ELK3: variants seen among roughly 807,000 people sequenced by gnomAD.
The protein encoded by ELK3 is ETS transcription factor ELK3, also known as ETS domain-containing protein Elk-3.
A neutral mutation model predicts 28.9 loss-of-function variants in ELK3; 10 were observed. That is an observed-to-expected ratio of 0.35 (90% CI 0.21 to 0.59). ELK3 has a LOEUF of 0.59. Among genes scored for constraint, ELK3 ranks in the 20% least tolerant of loss-of-function variants. ELK3 has a pLI of 0.82. For synonymous variants in ELK3, 272 were observed against 243.5 expected (o/e 1.12, Z -1.09); for missense variants, 463 against 517.3 (o/e 0.90, Z 1.02).
chr12:96,233,273 A>G (rs1048241408), intron 2 of ELK3, among the ~76,000 whole-genome samples: 3 of 152,176 alleles, frequency 2.0e-5, no homozygotes, highest in Non-Finnish European at 2.9e-5. Context: ...GGAGACCTGG[A>G]AGCTTTCACA....
intron 4 of ELK3, among the ~76,000 whole-genome samples, chr12:96,261,440 A>G (rs1951991836): frequency 6.6e-6 from 1 of 152,226 alleles, no homozygotes; most frequent in African/African-American, 2.4e-5. Flanking sequence ...TAGGAATACT[A>G]ATCTTTTGGT....
intron 4 of ELK3, among the ~76,000 whole-genome samples, 172 bp downstream of exon 4, chr12:96,260,025 T>C (rs1191273595): frequency 6.6e-6 from 1 of 152,234 alleles, no homozygotes; most frequent in African/African-American, 2.4e-5. Context: ...ACATTTTCAT[T>C]GAGGCAGAAA....
intron 4 of ELK3, 65 bp from the exon 5 acceptor site, chr12:96,267,017 A>G (rs1242586509): frequency 1.4e-6 from 2 of 1,392,064 alleles, no homozygotes; most frequent in East Asian, 2.4e-5. Flanking sequence ...ATGGGAATGT[A>G]AAGAACCTAA....
At chr12:96,199,342 GATTTTTAGCTC>G (rs1480968610) in intron 1 of ELK3, among the ~76,000 whole-genome samples, 1 of 152,106 alleles carries the variant, frequency 6.6e-6, no homozygotes, top group Non-Finnish European at 1.5e-5. Flanking sequence ...GTTTTAAATT[GATTTTTAGCTC>G]AAGATTGCTG....
chr12:96,206,577 C>G (rs1951539736), intron 1 of ELK3, among the ~76,000 whole-genome samples: 1 of 152,078 alleles, frequency 6.6e-6, no homozygotes, highest in Non-Finnish European at 1.5e-5. Context: ...GCAGGGATGA[C>G]AGGTGTGAGC....
At chr12:96,196,375 C>T (rs1460524584) in intron 1 of ELK3, among the ~76,000 whole-genome samples, 3 of 151,502 alleles carry the variant, frequency 2.0e-5, no homozygotes, top group Admixed American at 6.6e-5. Flanking sequence ...GGGAGATAAG[C>T]AGCTCACACA....
intron 1 of ELK3, chr12:96,198,119 G>T (rs1951484420): frequency 6.6e-6 from 1 of 152,156 alleles, no homozygotes. Flanking sequence ...TGACTTCCTG[G>T]AGTAGAGTCT....
chr12:96,214,739 T>G (rs968192011), intron 1 of ELK3, among the ~76,000 whole-genome samples: 2 of 152,230 alleles, frequency 1.3e-5, no homozygotes, highest in African/African-American at 4.8e-5. Context: ...ATAAGTTTTT[T>G]TTTCAAATAT....
rs10161271 is a variant in ELK3, at chr12:96,202,357, T to G, written c.-3+7652T>G. On this transcript the variant is annotated intron_variant, in intron 1 of 4. Coordinates refer to ENST00000228741, the MANE Select transcript of ELK3 (RefSeq NM_005230.4). ...GGGTCTTTGTCAATACTGACAGAATTTTCCCCCCGACCCCTCTATTTTTCA... is the reference window on the plus strand; with the variant it reads ...GGGTCTTTGTCAATACTGACAGAATGTTCCCCCCGACCCCTCTATTTTTCA... Among the ~76,000 whole-genome samples, 896 of 152,184 alleles carry G rather than the reference T, an allele frequency of 5.9e-3. 13 individuals are homozygous for G. Among genetic ancestry groups the G allele is most frequent in the African/African-American group, 0.021 (855 of 41,526 alleles).
chr12:96,216,066 CCT>C (rs1951615349), intron 1 of ELK3, among the ~76,000 whole-genome samples: 3 of 152,234 alleles, frequency 2.0e-5, no homozygotes, highest in African/African-American at 7.2e-5. Context: ...TTACTCTCGG[CCT>C]CTCTACTCTG....
chr12:96,254,085 G>A (rs1951928084), intron 3 of ELK3, among the ~76,000 whole-genome samples: 1 of 152,226 alleles, frequency 6.6e-6, no homozygotes, highest in South Asian at 2.1e-4. Context: ...CAATATTTAG[G>A]GAGGCCAAGG....
intron 1 of ELK3, among the ~76,000 whole-genome samples, chr12:96,211,142 C>T (rs1951575609): frequency 6.6e-6 from 1 of 152,168 alleles, no homozygotes; most frequent in Admixed American, 6.5e-5. Flanking sequence ...AAGCACTCAG[C>T]ACAATTCCTG....
chr12:96,258,748 G>C (rs1022423640), intron 3 of ELK3, among the ~76,000 whole-genome samples: 1 of 152,180 alleles, frequency 6.6e-6, no homozygotes, highest in African/African-American at 2.4e-5. Flanking sequence ...GACTCCTGCT[G>C]TGTGTGTGCA....
At position 96,252,791 on chromosome 12, in the gene ELK3, A is replaced by G. The variant is rs540462599; in HGVS notation, c.1002+5057A>G. ...TACTCCTGTTGAAGACGCTGTGAAT[A>G]TTGTTGAAATGACAACAAAGGACTG... is the stretch of plus-strand genomic sequence containing the variant. On this transcript the variant is annotated intron_variant, in intron 3 of 4. Transcript: ENST00000228741. 7.2e-5 allele frequency among the ~76,000 whole-genome samples: 11 copies of G among 152,330 alleles called. No individual in the cohort carries two copies. The South Asian group carries it at 1.0e-3, about 14-fold the overall frequency.
chr12:96,257,513 G>C (rs1328904286), intron 3 of ELK3, among the ~76,000 whole-genome samples: 2 of 152,210 alleles, frequency 1.3e-5, no homozygotes, highest in Non-Finnish European at 1.5e-5. Flanking sequence ...CTTGTACATT[G>C]CTTAGAGGAT....
chr12:96,224,788 G>A lies in ELK3; in HGVS notation c.207+1015G>A, dbSNP rs1024821130. Reference sequence around the variant, plus strand: ...ATAAAGGCATAGAGCCATGATAATGGTAAGCTTTTGTTCTGGTTTTATTGT... The same window carrying A: ...ATAAAGGCATAGAGCCATGATAATGATAAGCTTTTGTTCTGGTTTTATTGT... On this transcript the variant is annotated intron_variant, in intron 2 of 4. Coordinates refer to ENST00000228741, the MANE Select transcript of ELK3 (RefSeq NM_005230.4). 7.9e-5 allele frequency among the ~76,000 whole-genome samples: 12 copies of A among 152,298 alleles called. No homozygotes were observed. The East Asian group carries it at 2.1e-3, about 27-fold the overall frequency.
chr12:96,210,662 A>G (rs1443277559), intron 1 of ELK3, among the ~76,000 whole-genome samples: 1 of 151,940 alleles, frequency 6.6e-6, no homozygotes, highest in Non-Finnish European at 1.5e-5. Context: ...GCCCACTTGT[A>G]TCGAGAACCA....
At chr12:96,219,327 TGA>T (rs985159845) in intron 1 of ELK3, among the ~76,000 whole-genome samples, 1 of 151,982 alleles carries the variant, frequency 6.6e-6, no homozygotes, top group Admixed American at 6.6e-5. Flanking sequence ...TTTTTTCCGG[TGA>T]GAGAGATACT....
chr12:96,247,161 C>T lies in ELK3; in HGVS notation c.429C>T (p.Tyr143=). Reference sequence around the variant, plus strand: ...ACGAATACATCCACTCAGGCCTGTACTCGTCCTTCACCATTAATTCCCTGC... The same window carrying T: ...ACGAATACATCCACTCAGGCCTGTATTCGTCCTTCACCATTAATTCCCTGC... The part of the protein sequence containing the change: ...SRNEYIHSGL[Y]SSFTINSLQN... The change falls in exon 3 of 5, where the codon TAC becomes TAT. Residue 143 remains tyrosine, a synonymous_variant. Coordinates refer to ENST00000228741, the MANE Select transcript of ELK3 (RefSeq NM_005230.4). The surrounding 1 kb of genome is among the most constrained non-coding windows in gnomAD (Gnocchi z 5.5). 1 of 1,614,112 alleles carries T rather than the reference C, an allele frequency of 6.2e-7. No homozygotes were observed. The highest frequency in any genetic ancestry group is 1.1e-5 in the South Asian group (1 of 91,068).
Sources: gnomAD v4.1 joint callset for allele counts (sites outside exome capture counted in the v4.1 genomes callset) on GRCh38, gnomAD v4.1.1 for gene constraint, Gnocchi (gnomAD v3.1) non-coding constraint, MANE v1.5 for transcripts, NCBI Gene and HGNC (gene_info 2026-07-23, HGNC 2026-07-21) for gene names.